The following IRAK2 variants were observed in gnomAD, a reference collection of about 807,000 sequenced individuals.
IRAK2 encodes the protein interleukin-1 receptor-associated kinase-like 2.
In IRAK2, 57 loss-of-function variants were observed where a neutral mutation model predicts 72.0. The ratio of observed to expected loss-of-function variants is 0.79; its 90% CI spans 0.64 to 0.99. The LOEUF (loss-of-function observed/expected upper bound fraction) is 0.99. IRAK2 is among the 50% of genes least tolerant of loss of function. IRAK2 has a pLI of 0.00. For missense variants in IRAK2, 790 were observed against 794.4 expected, an observed-to-expected ratio of 0.99 and a Z score of 0.07; for synonymous variants, 293 against 312.7, an observed-to-expected ratio of 0.94 and a Z score of 0.67.
chr3:10,179,279 T>G (rs941857257), intron 2 of IRAK2, among the ~76,000 whole-genome samples: 3 of 151,532 alleles, frequency 2.0e-5, no homozygotes, highest in Admixed American at 6.6e-5. Context: ...TCAGTTGTTT[T>G]TTTTTTTTTT....
intron 3 of IRAK2, among the ~76,000 whole-genome samples, chr3:10,202,432 G>A (rs553402233): frequency 1.3e-5 from 2 of 152,034 alleles, no homozygotes; most frequent in Non-Finnish European, 2.9e-5. Flanking sequence ...TACCATCCTG[G>A]CTAACACGGT....
chr3:10,179,754 G>A (rs1168689615), intron 2 of IRAK2, among the ~76,000 whole-genome samples: 1 of 151,938 alleles, frequency 6.6e-6, no homozygotes, highest in African/African-American at 2.4e-5. Flanking sequence ...AGTTTTAGTA[G>A]AGACAGGGTT....
chr3:10,208,417 C>T (rs964607700), intron 3 of IRAK2, among the ~76,000 whole-genome samples: 2 of 150,490 alleles, frequency 1.3e-5, no homozygotes, highest in African/African-American at 5.0e-5. Context: ...TCCTCATCCT[C>T]CCAAGTAGAG....
rs1326212391 is a variant in IRAK2, at chr3:10,224,380, C to G, written c.1209+1549C>G. On this transcript the variant is annotated intron_variant, in intron 9 of 12. Coordinates refer to ENST00000256458, the MANE Select transcript of IRAK2 (RefSeq NM_001570.4). ...AAAAAAGAACCAGGGGGATAGAACC[C>G]CTAGGCCCGGCTCAGTTACTTTCAG... Among the ~76,000 whole-genome samples, 7 of 151,840 alleles carry G rather than the reference C, an allele frequency of 4.6e-5. No individual in the cohort carries two copies. In the East Asian group the frequency reaches 1.2e-3, roughly 25 times the overall value.
intron 3 of IRAK2, among the ~76,000 whole-genome samples, chr3:10,202,558 G>A (rs2125152345): frequency 6.6e-6 from 1 of 152,272 alleles, no homozygotes; most frequent in East Asian, 1.9e-4. Context: ...AGGAGGCGGA[G>A]GTTGCAGTGA....
At chr3:10,186,783 CTTTTTTTTTTT>C (rs4020034) in intron 2 of IRAK2, among the ~76,000 whole-genome samples, 3 of 124,732 alleles carry the variant, frequency 2.4e-5, no homozygotes, top group Non-Finnish European at 3.3e-5. Flanking sequence ...TCTTTCTTTC[CTTTTTTTTTTT>C]TTTTTTTTTT....
chr3:10,173,470 C>G (rs1368158891), intron 1 of IRAK2, among the ~76,000 whole-genome samples: 1 of 152,168 alleles, frequency 6.6e-6, no homozygotes, highest in African/African-American at 2.4e-5. Context: ...TGCAGCTTAG[C>G]AGAAGGCCTT....
intron 1 of IRAK2, among the ~76,000 whole-genome samples, chr3:10,169,724 TACAA>T (rs916610888): frequency 2.2e-4 from 34 of 152,340 alleles, no homozygotes; most frequent in African/African-American, 7.9e-4. Flanking sequence ...ACACACGTTT[TACAA>T]ACAATTTATA....
chr3:10,182,287 CT>C (rs564399732), intron 2 of IRAK2, among the ~76,000 whole-genome samples: 165 of 128,656 alleles, frequency 1.3e-3, no homozygotes, highest in Middle Eastern at 4.9e-3. Context: ...TTCTTTTTTT[CT>C]TTTTTTTTTT....
intron 6 of IRAK2, 109 bp downstream of exon 6, chr3:10,213,657 T>C (rs1575977919): frequency 1.2e-6 from 1 of 803,638 alleles, no homozygotes; most frequent in Non-Finnish European, 2.1e-6. Context: ...CATTTAGTCC[T>C]TACAAGAACC....
chr3:10,232,526 A>G (rs1377550121), intron 10 of IRAK2, among the ~76,000 whole-genome samples: 1 of 152,148 alleles, frequency 6.6e-6, no homozygotes, highest in African/African-American at 2.4e-5. Context: ...CGACTCCTCC[A>G]TGGTGAAGTT....
At chr3:10,165,757 G>A (rs1036143224) in intron 1 of IRAK2, among the ~76,000 whole-genome samples, 13 of 119,312 alleles carry the variant, frequency 1.1e-4, no homozygotes, top group African/African-American at 4.0e-4. Context: ...TTAAGACGGA[G>A]TCTCACTCTG....
intron 9 of IRAK2, 108 bp downstream of exon 9, chr3:10,222,939 A>T (rs1697719801): frequency 9.8e-7 from 1 of 1,021,726 alleles, no homozygotes; most frequent in South Asian, 1.5e-5. Flanking sequence ...GGTTCCATCA[A>T]AGTACAACAG....
chr3:10,199,051 C>A (rs1273933738), intron 2 of IRAK2, among the ~76,000 whole-genome samples: 2 of 152,004 alleles, frequency 1.3e-5, no homozygotes, highest in African/African-American at 4.8e-5. Flanking sequence ...CAATGGGGAG[C>A]CCCATAAAGG....
chr3:10,237,946 TGTGTGTGTGTGTGTGTGTGTGA>T (rs1050781483), intron 11 of IRAK2, among the ~76,000 whole-genome samples: 8 of 151,134 alleles, frequency 5.3e-5, no homozygotes, highest in African/African-American at 1.5e-4. Flanking sequence ...TGTGTGTGTG[TGTGTGTGTGTGTGTGTGTGTGA>T]AGAAGAAACA....
At position 10,239,008 on chromosome 3, in the gene IRAK2, G is replaced by A. The variant is rs1191156524; in HGVS notation, c.1734G>A (p.Glu578=). Residue 578 remains glutamate (E), a synonymous_variant, in exon 12 of 13, where the codon GAG becomes GAA. Transcript: ENST00000256458. The part of the protein sequence containing the change: ...IVGREADSSS[E]ACVGLEPPQD... ...GAAGGGAGGCTGACTCCTCCTCTGA[G>A]GCCTGTGTTGGCCTGGAGCCTCCCC... 2 of 1,609,182 alleles carry A rather than the reference G, an allele frequency of 1.2e-6. No homozygotes were observed. Among genetic ancestry groups the A allele is most frequent in the East Asian group, 2.2e-5 (1 of 44,824 alleles).
At chr3:10,239,915 G>A (rs1698026040) in intron 12 of IRAK2, among the ~76,000 whole-genome samples, 1 of 151,962 alleles carries the variant, frequency 6.6e-6, no homozygotes, top group Non-Finnish European at 1.5e-5. Flanking sequence ...CAGAGGCTGG[G>A]GTGGGCAGAT....
At chr3:10,186,296 C>T (rs114743735) in intron 2 of IRAK2, among the ~76,000 whole-genome samples, 1 of 151,816 alleles carries the variant, frequency 6.6e-6, no homozygotes, top group Non-Finnish European at 1.5e-5. Flanking sequence ...CAGCTTTTAT[C>T]AGATTCAGCT....
chr3:10,184,655 A>G (rs1190378995), intron 2 of IRAK2, among the ~76,000 whole-genome samples: 1 of 151,174 alleles, frequency 6.6e-6, no homozygotes, highest in African/African-American at 2.5e-5. Flanking sequence ...TGTCTATAGC[A>G]GTCAACAAAT....
Sources: allele counts gnomAD v4.1 joint callset (sites outside exome capture counted in the v4.1 genomes callset), GRCh38; gene constraint gnomAD v4.1.1; transcripts MANE v1.5; gene names NCBI Gene and HGNC (gene_info 2026-07-23, HGNC 2026-07-21).